Variants in JARID2 observed in about 807,000 individuals in gnomAD.
JARID2 encodes the protein protein Jumonji.
JARID2 carries 21 observed loss-of-function variants against 125.6 expected under a neutral mutation model. That is an observed-to-expected ratio of 0.17 (90% CI 0.12 to 0.24). The LOEUF (loss-of-function observed/expected upper bound fraction) is 0.24. Ranked by LOEUF, JARID2 falls within the 10% of genes least tolerant of loss-of-function variation. The pLI, the probability that JARID2 is intolerant of heterozygous loss-of-function variation, is 1.00. For missense variants in JARID2, 1,303 were observed against 1,639.6 expected (o/e 0.79, Z 3.55); for synonymous variants, 736 against 661.6 (o/e 1.11, Z -1.73).
rs554145993 is a variant in JARID2 at position 15,496,491 on chromosome 6, G to A, written c.1266G>A (p.Val422=). The A allele has an allele frequency of 3.7e-6, 6 of 1,609,354 alleles. No individual in the cohort carries two copies. Among genetic ancestry groups the A allele is most frequent in the Admixed American group, 3.3e-5 (2 of 59,732 alleles). The change falls in exon 7 of 18, where the codon GTG becomes GTA. Residue 422 remains valine, a synonymous_variant. Transcript: ENST00000341776. ...RLNPKSCTKE[V]GGRQLREGLQ... ...ACCCAAAGTCATGCACTAAGGAGGTGGGGGGGCGGCAGCTGCGGGAGGGCC... is the reference window on the plus strand; with the variant it reads ...ACCCAAAGTCATGCACTAAGGAGGTAGGGGGGCGGCAGCTGCGGGAGGGCC...
At chr6:15,480,538 A>G (rs1405962816) in intron 5 of JARID2, among the ~76,000 whole-genome samples, 2 of 152,258 alleles carry the variant, frequency 1.3e-5, no homozygotes, top group Non-Finnish European at 2.9e-5. Context: ...TGGTTCTGGG[A>G]GGCGCTTGGA....
chr6:15,442,036 C>A (rs1767469140), intron 3 of JARID2, among the ~76,000 whole-genome samples: 1 of 151,938 alleles, frequency 6.6e-6, no homozygotes, highest in African/African-American at 2.4e-5. Context: ...CCACGCCTGG[C>A]CTGGATTTTT....
intron 3 of JARID2, among the ~76,000 whole-genome samples, chr6:15,440,273 G>A (rs1442956610): frequency 6.6e-6 from 1 of 152,240 alleles, no homozygotes; most frequent in Non-Finnish European, 1.5e-5. Context: ...GCTTGCAACA[G>A]CGGACTGGTC....
intron 1 of JARID2, among the ~76,000 whole-genome samples, chr6:15,281,582 G>A (rs934700829): frequency 6.6e-6 from 1 of 152,150 alleles, no homozygotes; most frequent in Non-Finnish European, 1.5e-5. Context: ...CGCGTGGGGG[G>A]CCCCCCACTT....
intron 1 of JARID2, among the ~76,000 whole-genome samples, chr6:15,311,573 C>G (rs978016672): frequency 6.6e-6 from 1 of 152,066 alleles, no homozygotes; most frequent in Non-Finnish European, 1.5e-5. Flanking sequence ...AGCGAAACTC[C>G]GTCTCAAGAA....
At chr6:15,341,519 A>G (rs1352213033) in intron 1 of JARID2, among the ~76,000 whole-genome samples, 1 of 152,156 alleles carries the variant, frequency 6.6e-6, no homozygotes, top group African/African-American at 2.4e-5. Context: ...TATTATAGGT[A>G]CTGAGTCATG....
intron 16 of JARID2, among the ~76,000 whole-genome samples, chr6:15,513,856 T>C (rs1771403483): frequency 6.6e-6 from 1 of 152,242 alleles, no homozygotes; most frequent in South Asian, 2.1e-4. Context: ...CTCTGCCCTT[T>C]GGCTCTGTTC....
At chr6:15,416,563 C>T (rs1172304371) in intron 3 of JARID2, among the ~76,000 whole-genome samples, 4 of 152,184 alleles carry the variant, frequency 2.6e-5, no homozygotes, top group African/African-American at 7.2e-5. Flanking sequence ...TGGCGCGCGC[C>T]TGCAATGGCA....
intron 3 of JARID2, among the ~76,000 whole-genome samples, chr6:15,426,066 G>A (rs543671153): frequency 2.0e-5 from 3 of 152,284 alleles, no homozygotes; most frequent in East Asian, 3.9e-4. Context: ...GAACATGGTA[G>A]CTGGGTGCAG....
At chr6:15,441,739 C>CAGCTA (rs2127618870) in intron 3 of JARID2, among the ~76,000 whole-genome samples, 1 of 152,234 alleles carries the variant, frequency 6.6e-6, no homozygotes, top group East Asian at 1.9e-4. Flanking sequence ...GAAGTTTCTG[C>CAGCTA]AGCTATCTTA....
intron 3 of JARID2, among the ~76,000 whole-genome samples, chr6:15,425,080 G>A (rs980875999): frequency 7.9e-5 from 12 of 152,066 alleles, no homozygotes; most frequent in Non-Finnish European, 1.5e-4. Context: ...CAAGGCTCCC[G>A]GTATGTAATA....
chr6:15,432,150 C>T (rs1033138303), intron 3 of JARID2, among the ~76,000 whole-genome samples: 7 of 151,940 alleles, frequency 4.6e-5, no homozygotes, highest in East Asian at 3.9e-4. Flanking sequence ...CTCTACAGGC[C>T]GGGTGTGGTG....
chr6:15,299,375 T>C (rs185889710), intron 1 of JARID2, among the ~76,000 whole-genome samples: 45 of 152,284 alleles, frequency 3.0e-4, no homozygotes, highest in Middle Eastern at 3.4e-3. Flanking sequence ...AAGGGATGAC[T>C]GGGATCATGA....
rs1426418918 is a variant in JARID2 at position 15,316,522 on chromosome 6, G to C, written c.46-57595G>C. Among the ~76,000 whole-genome samples the C allele has an allele frequency of 2.6e-5, 4 of 152,004 alleles. No homozygotes were observed. In the East Asian group the frequency reaches 7.8e-4, roughly 29 times the overall value. ...TATGCTTGTGCTGGTTAGAAGTAAA[G>C]AAATTTTGGACTGTTCTTGCTATTT... On this transcript the variant is annotated intron_variant, in intron 1 of 17. Coordinates refer to ENST00000341776, the MANE Select transcript of JARID2 (RefSeq NM_004973.4).
intron 5 of JARID2, among the ~76,000 whole-genome samples, chr6:15,477,237 C>T (rs2127697388): frequency 6.6e-6 from 1 of 152,166 alleles, no homozygotes; most frequent in Admixed American, 6.5e-5. Flanking sequence ...CATTTCTGCT[C>T]TGTGGTTGCC....
At chr6:15,327,540 T>C (rs1298502512) in intron 1 of JARID2, among the ~76,000 whole-genome samples, 3 of 151,194 alleles carry the variant, frequency 2.0e-5, no homozygotes, top group South Asian at 2.1e-4. Context: ...TGTGTGTGTG[T>C]GTGTGTGTGT....
intron 5 of JARID2, among the ~76,000 whole-genome samples, chr6:15,480,134 A>G (rs992010388): frequency 2.0e-5 from 3 of 152,264 alleles, no homozygotes; most frequent in Non-Finnish European, 4.4e-5. Flanking sequence ...CTTGCTTAAC[A>G]CATTTCTTCT....
intron 1 of JARID2, among the ~76,000 whole-genome samples, chr6:15,353,803 G>A (rs190980566): frequency 1.3e-5 from 2 of 152,286 alleles, no homozygotes; most frequent in Non-Finnish European, 2.9e-5. Context: ...AACAGAGATG[G>A]TAGTTTTGCA....
chr6:15,377,342 G>A (rs901039546), intron 2 of JARID2, among the ~76,000 whole-genome samples: 2 of 152,154 alleles, frequency 1.3e-5, no homozygotes, highest in Non-Finnish European at 2.9e-5. Context: ...AGAATAGCAC[G>A]GGAAAGGCCA....
Sources: gnomAD v4.1 joint callset for allele counts (sites outside exome capture counted in the v4.1 genomes callset) on GRCh38, gnomAD v4.1.1 for gene constraint, MANE v1.5 for transcripts, NCBI Gene and HGNC (gene_info 2026-07-23, HGNC 2026-07-21) for gene names.